GALNT13: variants seen among roughly 807,000 people sequenced by gnomAD.
GALNT13 encodes the protein UDP-GalNAc:polypeptide N-acetylgalactosaminyltransferase 13.
In GALNT13, 28 loss-of-function variants were observed where a neutral mutation model predicts 64.2. The observed-to-expected ratio is 0.44, with a 90% confidence interval of 0.32 to 0.60. GALNT13 has a LOEUF of 0.60. Among genes scored for constraint, GALNT13 ranks in the 20% least tolerant of loss-of-function variants. The pLI is 0.05. For missense variants in GALNT13, 577 were observed against 669.8 expected (o/e 0.86, Z 1.53); for synonymous variants, 214 against 224.6 (o/e 0.95, Z 0.42).
chr2:153,769,602 TC>T, the GALNT13 span, among the ~76,000 whole-genome samples: 1 of 152,182 alleles, frequency 6.6e-6, no homozygotes, highest in Admixed American at 6.5e-5. Flanking sequence ...TCTCTGAGCT[TC>T]TTGTATCTGA....
At chr2:153,719,655 C>T in the GALNT13 span, among the ~76,000 whole-genome samples, 2 of 152,274 alleles carry the variant, frequency 1.3e-5, no homozygotes, top group Admixed American at 6.5e-5. Flanking sequence ...CTGGGAAGTG[C>T]AAGGGGTCAG....
intron 9 of GALNT13, among the ~76,000 whole-genome samples, chr2:154,318,405 G>T (rs911871817): frequency 6.6e-6 from 1 of 152,154 alleles, no homozygotes; most frequent in Non-Finnish European, 1.5e-5. Context: ...TAAACCACAG[G>T]ATGTGGTAGC....
chr2:154,148,457 A>G (rs944580659), intron 4 of GALNT13, among the ~76,000 whole-genome samples: 6 of 152,094 alleles, frequency 3.9e-5, no homozygotes, highest in African/African-American at 1.2e-4. Flanking sequence ...GGGATGGCTG[A>G]GTCAAATGGT....
chr2:154,296,061 T>C (rs2105971515), intron 8 of GALNT13, among the ~76,000 whole-genome samples: 1 of 152,308 alleles, frequency 6.6e-6, no homozygotes, highest in Middle Eastern at 3.4e-3. Context: ...ACTGCCTTTC[T>C]CAAAGTGTGC....
chr2:153,578,856 A>G, the GALNT13 span, among the ~76,000 whole-genome samples: 2 of 152,172 alleles, frequency 1.3e-5, no homozygotes, highest in Non-Finnish European at 2.9e-5. Flanking sequence ...TGGGATTGTT[A>G]GCAGTCACCT....
the GALNT13 span, among the ~76,000 whole-genome samples, chr2:153,273,333 A>T: frequency 6.6e-6 from 1 of 152,210 alleles, no homozygotes; most frequent in Non-Finnish European, 1.5e-5. Flanking sequence ...ATTAGGTTAT[A>T]TGAGGTGAAA....
intron 1 of GALNT13, among the ~76,000 whole-genome samples, chr2:153,893,290 T>C (rs1012826527): frequency 1.3e-5 from 2 of 152,102 alleles, no homozygotes; most frequent in African/African-American, 4.8e-5. Flanking sequence ...CTTTGTACTA[T>C]TTTCCAGCTC....
the GALNT13 span, among the ~76,000 whole-genome samples, chr2:153,082,573 T>TATA: frequency 9.9e-5 from 4 of 40,556 alleles, no homozygotes; most frequent in African/African-American, 4.6e-4. Context: ...TTAGGCTGGT[T>TATA]TATATATATA....
At chr2:153,204,999 A>G in the GALNT13 span, among the ~76,000 whole-genome samples, 3 of 152,164 alleles carry the variant, frequency 2.0e-5, no homozygotes, top group Non-Finnish European at 4.4e-5. Flanking sequence ...AATTAGTAAA[A>G]GTCTTGAAGC....
At chr2:153,404,586 A>C in the GALNT13 span, among the ~76,000 whole-genome samples, 1 of 152,182 alleles carries the variant, frequency 6.6e-6, no homozygotes, top group Non-Finnish European at 1.5e-5. Context: ...AAGTAAAATT[A>C]AGGTATTAGT....
At chr2:153,086,433 A>C in the GALNT13 span, among the ~76,000 whole-genome samples, 5 of 152,280 alleles carry the variant, frequency 3.3e-5, no homozygotes, top group East Asian at 9.7e-4. Flanking sequence ...CCAGGTGTAC[A>C]TAATTGAATC....
At chr2:154,246,355 A>G (rs1042618575) in intron 7 of GALNT13, among the ~76,000 whole-genome samples, 2 of 152,116 alleles carry the variant, frequency 1.3e-5, no homozygotes, top group Non-Finnish European at 2.9e-5. Flanking sequence ...TGAAATAGCC[A>G]AAAATGTTTT....
chr2:154,030,964 A>G (rs572808299), intron 3 of GALNT13, among the ~76,000 whole-genome samples: 1 of 152,274 alleles, frequency 6.6e-6, no homozygotes, highest in South Asian at 2.1e-4. Context: ...AGCTATACAG[A>G]AAGAAGTGAA....
the GALNT13 span, among the ~76,000 whole-genome samples, chr2:153,800,611 G>A: frequency 6.6e-6 from 1 of 152,144 alleles, no homozygotes; most frequent in Non-Finnish European, 1.5e-5. Flanking sequence ...TTAAGTTTAT[G>A]TAATATTATA....
rs1017722008 is a variant in GALNT13 at position 154,374,748 on chromosome 2, G to A, written c.1157-21243G>A. On this transcript the variant is annotated intron_variant, in intron 9 of 12. Transcript: ENST00000392825. Reference sequence around the variant, plus strand: ...GATGAAGTGTTGATTCCATATTGAGGTTTGAACTGACAAACCCAGCTTATA... The same window carrying A: ...GATGAAGTGTTGATTCCATATTGAGATTTGAACTGACAAACCCAGCTTATA... Among the ~76,000 whole-genome samples the A allele has an allele frequency of 5.3e-5, 8 of 152,230 alleles. No homozygotes were observed. The South Asian group carries it at 8.3e-4, about 16-fold the overall frequency.
At chr2:153,987,749 G>A (rs575618319) in intron 3 of GALNT13, among the ~76,000 whole-genome samples, 1 of 151,850 alleles carries the variant, frequency 6.6e-6, no homozygotes, top group South Asian at 2.1e-4. Flanking sequence ...GCACTAGATA[G>A]GATGATAACT....
At chr2:153,377,229 C>A in the GALNT13 span, among the ~76,000 whole-genome samples, 2 of 152,248 alleles carry the variant, frequency 1.3e-5, no homozygotes, top group South Asian at 4.1e-4. Flanking sequence ...GAGAAATCAA[C>A]CTTTCTGGCA....
the GALNT13 span, among the ~76,000 whole-genome samples, chr2:153,335,885 C>T: frequency 6.6e-6 from 1 of 152,184 alleles, no homozygotes; most frequent in Non-Finnish European, 1.5e-5. Flanking sequence ...GGGCTGGGCC[C>T]AGGGTCCCTG....
At position 153,928,493 on chromosome 2, in the gene GALNT13, A is replaced by G. The variant is rs1470760886; in HGVS notation, c.-104-15901A>G. On this transcript the variant is annotated intron_variant, in intron 2 of 12. Coordinates refer to ENST00000392825, the MANE Select transcript of GALNT13 (RefSeq NM_052917.4). The stretch of plus-strand genomic sequence containing the variant: ...TGTTGTTTTAAATCTCTAGTTTTAT[A>G]TCTACTTGAACATTCTGAATTTCTC... Among the ~76,000 whole-genome samples the G allele has an allele frequency of 3.3e-5, 5 of 152,218 alleles. No individual in the cohort carries two copies. In the East Asian group the frequency reaches 7.7e-4, roughly 24 times the overall value.
Sources: allele counts gnomAD v4.1 joint callset (sites outside exome capture counted in the v4.1 genomes callset), GRCh38; gene constraint gnomAD v4.1.1; transcripts MANE v1.5; gene names NCBI Gene and HGNC (gene_info 2026-07-23, HGNC 2026-07-21).